TECPR2: variants seen among roughly 807,000 people sequenced by gnomAD.
The protein encoded by TECPR2 is tectonin beta-propeller repeat containing 2, also known as tectonin beta-propeller repeat-containing protein 2.
Under a neutral mutation model 138.1 loss-of-function variants are expected in TECPR2, and 65 were observed. That is an observed-to-expected ratio of 0.47 (90% CI 0.39 to 0.58). TECPR2 has a LOEUF of 0.58. Ranked by LOEUF, TECPR2 falls within the 20% of genes least tolerant of loss-of-function variation. The pLI, the probability that TECPR2 is intolerant of heterozygous loss-of-function variation, is 0.00. For synonymous variants in TECPR2, 746 were observed against 749.8 expected (o/e 0.99, Z 0.08); for missense variants, 1,553 against 1,824.5 (o/e 0.85, Z 2.71).
intron 2 of TECPR2, among the ~76,000 whole-genome samples, chr14:102,393,392 GT>G (rs1314139119): frequency 2.0e-5 from 3 of 152,144 alleles, no homozygotes; most frequent in African/African-American, 7.2e-5. Context: ...TGTCTGGGAT[GT>G]TTTGATTCTT....
rs972098092 is a variant in TECPR2, at chr14:102,419,691, G to A, written c.638+4898G>A. Among the ~76,000 whole-genome samples, 6 of 152,136 alleles carry A rather than the reference G, an allele frequency of 3.9e-5. No homozygotes were observed. Among genetic ancestry groups the A allele is most frequent in the Non-Finnish European group, 7.4e-5 (5 of 68,026 alleles). On this transcript the variant is annotated intron_variant, in intron 5 of 19. Transcript: ENST00000359520. This position sits in a 1 kb window ranked among gnomAD's most constrained non-coding sequence, Gnocchi z 4.8. ...TCGAGTCCGTGAACCTCTTCAGACC[G>A]GATGATGTGTGTTACATCCAGAAAA...
intron 2 of TECPR2, among the ~76,000 whole-genome samples, chr14:102,378,916 C>T (rs1268300185): frequency 6.6e-6 from 1 of 152,210 alleles, no homozygotes; most frequent in Non-Finnish European, 1.5e-5. Flanking sequence ...TGAGCCACCA[C>T]ACCTGCCCGT....
intron 17 of TECPR2, among the ~76,000 whole-genome samples, chr14:102,470,900 C>T (rs891605829): frequency 5.3e-5 from 8 of 151,660 alleles, no homozygotes; most frequent in African/African-American, 1.7e-4. Flanking sequence ...CTCACTGCAG[C>T]CTCCGCCTCC....
At chr14:102,441,473 T>C (rs1242371511) in intron 11 of TECPR2, among the ~76,000 whole-genome samples, 1 of 148,218 alleles carries the variant, frequency 6.7e-6, no homozygotes, top group Non-Finnish European at 1.5e-5. Context: ...GGTCAGGAGT[T>C]CAAGACCAAC....
intron 5 of TECPR2, among the ~76,000 whole-genome samples, chr14:102,421,771 G>C (rs994305370): frequency 3.9e-5 from 6 of 152,194 alleles, no homozygotes; most frequent in Non-Finnish European, 8.8e-5. Context: ...CCTTTGAGAT[G>C]GGAGTTACTC....
In TECPR2 at chr14:102,434,854, A is replaced by G. The variant is rs1889614834; in HGVS notation, c.2037A>G (p.Gln679=). ...ADEGSPVEPS[Q]EQDILTSMEA... is the part of the protein sequence containing the mutation. ...AAGGCAGCCCCGTGGAGCCCAGCCA[A>G]GAGCAGGACATCCTAACCAGCATGG... Residue 679 remains glutamine, a synonymous_variant, in exon 9 of 20, where the codon CAA becomes CAG. Coordinates refer to ENST00000359520, the MANE Select transcript of TECPR2 (RefSeq NM_014844.5). 1.9e-6 allele frequency: 3 copies of G among 1,613,532 alleles called. No homozygotes were observed. The highest frequency in any genetic ancestry group is 1.3e-5 in the African/African-American group (1 of 74,946).
At chr14:102,465,438 A>C in intron 17 of TECPR2, 149 bp downstream of exon 17, 1 of 1,414,648 alleles carries the variant, frequency 7.1e-7, no homozygotes, top group Non-Finnish European at 9.2e-7. Flanking sequence ...ACTCTCGTTC[A>C]TCAACATCAC....
intron 2 of TECPR2, among the ~76,000 whole-genome samples, chr14:102,382,435 C>A (rs1201149824): frequency 6.6e-6 from 1 of 152,194 alleles, no homozygotes; most frequent in Non-Finnish European, 1.5e-5. Flanking sequence ...TCACACAATA[C>A]ACGAAGCAGA....
rs575431599 is a variant in TECPR2 at position 102,487,596 on chromosome 14, C to T, written c.3790-9383C>T. Among the ~76,000 whole-genome samples, 6 of 152,286 alleles carry T rather than the reference C, an allele frequency of 3.9e-5. No homozygotes were observed. In the East Asian group the frequency reaches 9.6e-4, roughly 24 times the overall value. On this transcript the variant is annotated intron_variant, in intron 17 of 19. Transcript: ENST00000359520. ...TCGCTCTCTCCCCCAAGCTGGAGTG[C>T]AGTGGCGCAATCTGGGCTCACTGCA...
At chr14:102,486,606 G>A (rs3783380) in intron 17 of TECPR2, among the ~76,000 whole-genome samples, 32,302 of 152,150 alleles carry the variant, frequency 0.21, 4,115 homozygotes, top group Middle Eastern at 0.3. Context: ...CCCCACAGGC[G>A]CTGCTGGAAA....
chr14:102,407,497 C>T (rs758857162), intron 3 of TECPR2, 31 bp downstream of exon 3: 20 of 1,564,036 alleles, frequency 1.3e-5, no homozygotes, highest in East Asian at 2.3e-5. Flanking sequence ...CACGTGTTAA[C>T]TTCTTGGCAC....
intron 2 of TECPR2, among the ~76,000 whole-genome samples, chr14:102,384,147 G>A (rs536698031): frequency 9.6e-4 from 146 of 151,956 alleles, no homozygotes; most frequent in Non-Finnish European, 1.8e-3. Flanking sequence ...TCGAACTCCC[G>A]ACCCCAGGTG....
At chr14:102,408,456 T>C (rs1567327992) in intron 3 of TECPR2, 32 bp from the exon 4 acceptor site, 2 of 1,579,704 alleles carry the variant, frequency 1.3e-6, no homozygotes, top group Non-Finnish European at 1.7e-6. Context: ...TCCTTTTTTT[T>C]TCTTGTGTAT....
intron 16 of TECPR2, among the ~76,000 whole-genome samples, chr14:102,453,941 G>C (rs1337053008): frequency 6.6e-6 from 1 of 152,064 alleles, no homozygotes; most frequent in Non-Finnish European, 1.5e-5. Flanking sequence ...CTGAGGTCAG[G>C]AGTTCAAGAC....
rs938009327 is a variant in TECPR2 at position 102,419,673 on chromosome 14, C to T, written c.638+4880C>T. The stretch of plus-strand genomic sequence containing the variant: ...CGAGGGGTCCTCTTCCCGTCGAGTC[C>T]GTGAACCTCTTCAGACCGGATGATG... On this transcript the variant is annotated intron_variant, in intron 5 of 19. Transcript: ENST00000359520. The surrounding 1 kb of genome is among the most constrained non-coding windows in gnomAD (Gnocchi z 4.8). 1.1e-4 allele frequency among the ~76,000 whole-genome samples: 16 copies of T among 152,128 alleles called. No individual in the cohort carries two copies. Among genetic ancestry groups the T allele is most frequent in the Admixed American group, 3.9e-4 (6 of 15,276 alleles).
intron 17 of TECPR2, chr14:102,465,612 T>G (rs1890536904): frequency 9.9e-7 from 1 of 1,014,526 alleles, no homozygotes; most frequent in Non-Finnish European, 1.2e-6. Flanking sequence ...CTCTATTTTA[T>G]AATAATAATG....
At chr14:102,467,319 ATTT>A (rs35221234) in intron 17 of TECPR2, among the ~76,000 whole-genome samples, 1 of 114,420 alleles carries the variant, frequency 8.7e-6, no homozygotes. Context: ...ATCCTCACCA[ATTT>A]TTTTTTTTTT....
At chr14:102,467,378 G>A (rs553594118) in intron 17 of TECPR2, among the ~76,000 whole-genome samples, 1 of 140,150 alleles carries the variant, frequency 7.1e-6, no homozygotes, top group Non-Finnish European at 1.5e-5. Context: ...AGTCTGGAGT[G>A]CAATGGCGCC....
intron 17 of TECPR2, among the ~76,000 whole-genome samples, chr14:102,487,467 C>G (rs1255231110): frequency 1.3e-5 from 2 of 152,202 alleles, no homozygotes; most frequent in African/African-American, 4.8e-5. Context: ...TTGATAAAAG[C>G]TATGATAAAA....
Sources: allele counts gnomAD v4.1 joint callset (sites outside exome capture counted in the v4.1 genomes callset), GRCh38; gene constraint gnomAD v4.1.1; non-coding constraint Gnocchi (gnomAD v3.1); transcripts MANE v1.5; gene names NCBI Gene and HGNC (gene_info 2026-07-23, HGNC 2026-07-21).